Variants in GLI3 observed in about 807,000 individuals in gnomAD.
GLI3 encodes the protein transcription activator GLI3.
Under a neutral mutation model 100.8 loss-of-function variants are expected in GLI3, and 20 were observed. The observed-to-expected ratio is 0.20, with a 90% CI of 0.14 to 0.29. The LOEUF (loss-of-function observed/expected upper bound fraction) is 0.29, where lower values mean the gene tolerates loss of function less well. Among genes scored for constraint, GLI3 ranks in the 10% least tolerant of loss-of-function variants. The pLI is 1.00. For synonymous variants in GLI3, 938 were observed against 860.5 expected (o/e 1.09, Z -1.58); for missense variants, 2,040 against 2,128.5 (o/e 0.96, Z 0.82).
At chr7:41,983,353 A>G (rs1294170157) in intron 10 of GLI3, among the ~76,000 whole-genome samples, 2 of 152,228 alleles carry the variant, frequency 1.3e-5, no homozygotes, top group African/African-American at 4.8e-5. Context: ...ATTAGGCCAA[A>G]CTTCACTGTT....
Position 42,025,167 on chromosome 7 carries a change from G to A in GLI3, c.1356+97C>T, listed in dbSNP as rs1341656024. ...AATGCAGTGGACAAGGAACTGCCGT[G>A]AAAAAGACACCAGGTCTGGGGAGGA... On this transcript the variant is annotated intron_variant, in intron 9 of 14. Coordinates refer to ENST00000395925, the MANE Select transcript of GLI3 (RefSeq NM_000168.6). The A allele has an allele frequency of 1.4e-5, 11 of 800,256 alleles. No individual in the cohort carries two copies. The Admixed American group carries it at 1.9e-4, about 14-fold the overall frequency. 49.6% of individuals were successfully genotyped at this position (800,256 alleles called of 1,614,324 possible).
chr7:41,966,115 G>T lies in GLI3; in HGVS notation c.2958C>A (p.Gly986=). 6.3e-7 allele frequency: 1 copy of T among 1,578,358 alleles called. No homozygotes were observed. ...GCGGCTGCAGGTGGCGCCGCCCGTA[G>T]CCGTGGGCTCCCCCGTCGCTGCACC... ...PRRCSDGGAH[G]YGRRHLQPHD... Residue 986 remains glycine, a synonymous_variant, in exon 15 of 15, where the codon GGC becomes GGA. Coordinates refer to ENST00000395925, the MANE Select transcript of GLI3 (RefSeq NM_000168.6). The surrounding 1 kb of genome is among the most constrained non-coding windows in gnomAD (Gnocchi z 5.8).
intron 3 of GLI3, among the ~76,000 whole-genome samples, chr7:42,144,962 A>G (rs1304623232): frequency 6.6e-6 from 1 of 152,208 alleles, no homozygotes; most frequent in African/African-American, 2.4e-5. Flanking sequence ...AAGGTCTGCA[A>G]TGCGCTTGTA....
At chr7:42,136,308 C>T (rs1323134400) in intron 3 of GLI3, among the ~76,000 whole-genome samples, 3 of 152,292 alleles carry the variant, frequency 2.0e-5, no homozygotes, top group East Asian at 1.9e-4. Context: ...AAGGAATGCA[C>T]GTAGGCCTCC....
chr7:42,133,783 A>T (rs1406108599), intron 3 of GLI3, among the ~76,000 whole-genome samples: 1 of 152,058 alleles, frequency 6.6e-6, no homozygotes, highest in Non-Finnish European at 1.5e-5. Context: ...AAAGGAAAAA[A>T]AAATTAAGAA....
intron 10 of GLI3, among the ~76,000 whole-genome samples, chr7:41,992,943 C>A (rs1388190359): frequency 6.6e-6 from 1 of 152,160 alleles, no homozygotes; most frequent in East Asian, 1.9e-4. Flanking sequence ...TAAGGAGTTG[C>A]AAATAGAAAT....
chr7:42,142,350 G>A (rs2128783113), intron 3 of GLI3, among the ~76,000 whole-genome samples: 1 of 152,272 alleles, frequency 6.6e-6, no homozygotes, highest in African/African-American at 2.4e-5. Context: ...GGCGGCAGGG[G>A]AAGAGAGGAC....
chr7:41,972,786 T>C lies in GLI3; in HGVS notation c.1813-159A>G, dbSNP rs558750841. Among the ~76,000 whole-genome samples, 110 of 152,346 alleles carry C rather than the reference T, an allele frequency of 7.2e-4. No individual in the cohort carries two copies. The highest frequency in any genetic ancestry group is 2.5e-3 in the African/African-American group (104 of 41,584). ...ATACCTCTAGGAACTAATAGTTTAA[T>C]AAGGCCATTAGAACACTGTTCCGTG... On this transcript the variant is annotated intron_variant, in intron 12 of 14. Transcript: ENST00000395925. The surrounding 1 kb of genome is among the most constrained non-coding windows in gnomAD (Gnocchi z 4.4).
intron 3 of GLI3, among the ~76,000 whole-genome samples, chr7:42,142,173 A>G (rs948068533): frequency 7.2e-5 from 11 of 152,176 alleles, no homozygotes; most frequent in African/African-American, 2.7e-4. Context: ...CTTTCCAAGG[A>G]GGTGGGTTGT....
intron 2 of GLI3, among the ~76,000 whole-genome samples, chr7:42,215,817 T>C (rs1461578258): frequency 1.3e-5 from 2 of 152,190 alleles, no homozygotes; most frequent in African/African-American, 4.8e-5. Flanking sequence ...TCTAGCCTGT[T>C]AAGCTAGAAC....
chr7:42,212,735 T>G (rs1788294921), intron 2 of GLI3, among the ~76,000 whole-genome samples: 1 of 152,212 alleles, frequency 6.6e-6, no homozygotes, highest in Admixed American at 6.5e-5. Context: ...GCGCCTTTGA[T>G]CACAGCTCCT....
chr7:42,122,493 T>TA (rs1297025077), intron 3 of GLI3, among the ~76,000 whole-genome samples: 4 of 152,124 alleles, frequency 2.6e-5, no homozygotes, highest in African/African-American at 9.7e-5. Flanking sequence ...ACAAAGTGCA[T>TA]ATAGGATGTC....
chr7:42,191,350 C>T (rs1583635338), intron 2 of GLI3, among the ~76,000 whole-genome samples: 1 of 152,242 alleles, frequency 6.6e-6, no homozygotes, highest in East Asian at 1.9e-4. Context: ...TGGCTCTCGC[C>T]TATAATCCCA....
At chr7:42,015,745 A>G (rs1381746701) in intron 10 of GLI3, among the ~76,000 whole-genome samples, 2 of 151,992 alleles carry the variant, frequency 1.3e-5, no homozygotes, top group Non-Finnish European at 2.9e-5. Flanking sequence ...ACGCACACAC[A>G]CACACCCACC....
At chr7:42,230,142 G>T (rs1455007620) in intron 1 of GLI3, among the ~76,000 whole-genome samples, 4 of 140,320 alleles carry the variant, frequency 2.9e-5, no homozygotes, top group East Asian at 2.1e-4. Context: ...AGTTCTTAAT[G>T]AAATCTTCAT....
At chr7:42,161,365 G>A (rs1787127440) in intron 2 of GLI3, among the ~76,000 whole-genome samples, 1 of 152,190 alleles carries the variant, frequency 6.6e-6, no homozygotes, top group South Asian at 2.1e-4. Context: ...CAACAGCAGA[G>A]TTGAGTAGTG....
intron 12 of GLI3, among the ~76,000 whole-genome samples, chr7:41,973,795 T>A (rs1029959236): frequency 3.3e-5 from 5 of 152,212 alleles, no homozygotes; most frequent in African/African-American, 1.2e-4. Context: ...AATGTCCTAA[T>A]GCAGTGAAGC....
chr7:42,172,039 T>C (rs1213599484), intron 2 of GLI3, among the ~76,000 whole-genome samples: 2 of 149,628 alleles, frequency 1.3e-5, no homozygotes, highest in South Asian at 2.1e-4. Flanking sequence ...AGATCTCAGC[T>C]ATGGGTTTTG....
chr7:42,189,971 AAC>A (rs57107204), intron 2 of GLI3, among the ~76,000 whole-genome samples: 22,579 of 142,918 alleles, frequency 0.16, 1,809 homozygotes, highest in Non-Finnish European at 0.18. Flanking sequence ...GCATGGGCTC[AAC>A]ACACACACAC....
Sources: allele counts gnomAD v4.1 joint callset (sites outside exome capture counted in the v4.1 genomes callset), GRCh38; gene constraint gnomAD v4.1.1; non-coding constraint Gnocchi (gnomAD v3.1); transcripts MANE v1.5; gene names NCBI Gene and HGNC (gene_info 2026-07-23, HGNC 2026-07-21).